SON: variants seen among roughly 807,000 people sequenced by gnomAD.
The protein encoded by SON is SON DNA and RNA binding protein.
SON carries 4 observed loss-of-function variants against 173.3 expected under a neutral mutation model. That is an observed-to-expected ratio of 0.02 (90% CI 0.01 to 0.05). The LOEUF (loss-of-function observed/expected upper bound fraction) is 0.05. Ranked by LOEUF, SON falls within the 10% of genes least tolerant of loss-of-function variation. SON has a pLI of 1.00. For missense variants in SON, 2,626 were observed against 3,055.3 expected (o/e 0.86, Z 3.31); for synonymous variants, 1,190 against 1,105.9 (o/e 1.08, Z -1.51).
chr21:33,574,663 G>A (rs530808155), intron 9 of SON, among the ~76,000 whole-genome samples: 4 of 152,100 alleles, frequency 2.6e-5, no homozygotes, highest in Non-Finnish European at 5.9e-5. Context: ...ATGCTTGACC[G>A]CTAAATACAA....
intron 6 of SON, 31 bp from the exon 7 acceptor site, chr21:33,567,126 T>C (rs1287699837): frequency 9.1e-6 from 12 of 1,316,456 alleles, no homozygotes; most frequent in Non-Finnish European, 1.3e-5. Context: ...CTATGGTAAT[T>C]TGAGATAATT....
chr21:33,557,013 C>CT (rs1010720830), intron 3 of SON, 143 bp from the exon 4 acceptor site: 27,345 of 490,664 alleles, frequency 0.056, 39 homozygotes, highest in East Asian at 0.064. Context: ...TAGTTTTTTC[C>CT]TTTTTTTTTT....
chr21:33,555,432 G>A (rs755389570), intron 3 of SON, 41 bp downstream of exon 3: 1 of 1,453,220 alleles, frequency 6.9e-7, no homozygotes, highest in Non-Finnish European at 9.1e-7. Context: ...AGTAGAAAAT[G>A]TTTTAAACCT....
intron 6 of SON, among the ~76,000 whole-genome samples, chr21:33,562,907 C>CA (rs1344080738): frequency 6.6e-6 from 1 of 152,018 alleles, no homozygotes; most frequent in Non-Finnish European, 1.5e-5. Context: ...GATTTAGTAT[C>CA]AATCAAATGT....
At chr21:33,564,283 C>T (rs2086122633) in intron 6 of SON, among the ~76,000 whole-genome samples, 2 of 152,130 alleles carry the variant, frequency 1.3e-5, no homozygotes, top group South Asian at 4.1e-4. Context: ...ACACTAGTTA[C>T]ATTTCAAGTG....
At chr21:33,547,705 CTTTTTTTTTTTTTTTT>C (rs928851742) in intron 2 of SON, among the ~76,000 whole-genome samples, 2 of 71,026 alleles carry the variant, frequency 2.8e-5, no homozygotes, top group African/African-American at 5.4e-5. Context: ...CTTCTGTAGT[CTTTTTTTTTTTTTTTT>C]TTTTTTTTTT....
chr21:33,544,000 T>C (rs1284156268), intron 1 of SON, among the ~76,000 whole-genome samples: 1 of 152,222 alleles, frequency 6.6e-6, no homozygotes, highest in East Asian at 1.9e-4. Context: ...AGGAAAATAG[T>C]GTGTCATGTT....
chr21:33,546,170 T>C (rs369046723), intron 1 of SON, 43 bp from the exon 2 acceptor site: 194 of 1,504,622 alleles, frequency 1.3e-4, no homozygotes, highest in Non-Finnish European at 1.5e-4. Flanking sequence ...TTATTAATGG[T>C]ATGATAAAAT....
At chr21:33,567,325 G>A (rs766968504) in intron 7 of SON, 58 bp downstream of exon 7, 15 of 949,768 alleles carry the variant, frequency 1.6e-5, no homozygotes, top group Non-Finnish European at 2.6e-5. Flanking sequence ...TCACACCAAT[G>A]TACCAGTTTT....
rs1238213431 is a variant in SON at position 33,577,404 on chromosome 21, C to T, written c.*980C>T. 2.6e-5 allele frequency: 4 copies of T among 152,516 alleles called. No homozygotes were observed. Among genetic ancestry groups the T allele is most frequent in the Non-Finnish European group, 5.9e-5 (4 of 68,018 alleles). 9.4% of individuals were successfully genotyped at this position (152,516 alleles called of 1,614,324 possible). ...CTGATAGAATATTTCATGTGTATTACAGTGGTATTCATATGCTATGTCTCT... is the reference window on the plus strand; with the variant it reads ...CTGATAGAATATTTCATGTGTATTATAGTGGTATTCATATGCTATGTCTCT... On this transcript the variant is annotated 3_prime_UTR_variant, in exon 12 of 12. Transcript: ENST00000356577.
intron 8 of SON, chr21:33,572,340 T>TC: frequency 3.6e-6 from 1 of 276,778 alleles, no homozygotes; most frequent in South Asian, 3.3e-5. Context: ...TATATGTACA[T>TC]GGATGCCCTT....
Position 33,552,882 on chromosome 21 carries a change from A to C in SON, c.3651A>C (p.Gln1217His). The change falls in exon 3 of 12, where the codon CAA (glutamine) becomes CAC (histidine). Residue 1217 changes from glutamine to histidine, a missense_variant. Coordinates refer to ENST00000356577, the MANE Select transcript of SON (RefSeq NM_138927.4). This position sits in a 1 kb window ranked among gnomAD's most constrained non-coding sequence, Gnocchi z 5.6. ...CGCAGCCTGAGCCTCCTGTGAGTCA[A>C]AGTGAGATTTCGGAGCCTTCAGCAG... ...SVSQPEPPVS[Q>H]SEISEPSAVP... 1 of 1,614,170 alleles carries C rather than the reference A, an allele frequency of 6.2e-7. No homozygotes were observed. The highest frequency in any genetic ancestry group is 1.3e-5 in the African/African-American group (1 of 75,042).
chr21:33,547,804 T>TC (rs1353439345), intron 2 of SON, among the ~76,000 whole-genome samples: 1 of 135,556 alleles, frequency 7.4e-6, no homozygotes, highest in African/African-American at 2.7e-5. Context: ...AAGCTCCGCC[T>TC]CCCGGGTTCA....
intron 7 of SON, among the ~76,000 whole-genome samples, chr21:33,568,352 C>T (rs1011863307): frequency 1.3e-5 from 2 of 152,112 alleles, no homozygotes; most frequent in African/African-American, 2.4e-5. Context: ...ATTAGCCGGG[C>T]GCGGTGGCGC....
intron 9 of SON, among the ~76,000 whole-genome samples, chr21:33,574,885 A>G (rs1371980248): frequency 6.6e-6 from 1 of 152,158 alleles, no homozygotes; most frequent in Non-Finnish European, 1.5e-5. Flanking sequence ...AGGAAGGGAG[A>G]GGAGAGTTTG....
At chr21:33,564,245 C>T (rs1436468159) in intron 6 of SON, among the ~76,000 whole-genome samples, 1 of 152,134 alleles carries the variant, frequency 6.6e-6, no homozygotes, top group Admixed American at 6.5e-5. Flanking sequence ...CAGCAGTTAC[C>T]AGCCCCTGAA....
In SON at chr21:33,554,497, T is replaced by G. The variant is rs772143523; in HGVS notation, c.5266T>G (p.Leu1756Val). 5 of 1,614,124 alleles carry G rather than the reference T, an allele frequency of 3.1e-6. No individual in the cohort carries two copies. Among genetic ancestry groups the G allele is most frequent in the South Asian group, 2.2e-5 (2 of 91,080 alleles). ...CCTTAGAGCTGGCATTGAAGGACCT[T>G]TACTTGCAAGTGATGTTGGACGTGA... Reference protein sequence around the residue: ...TSLRAGIEGPLLASDVGRDRS... With the variant: ...TSLRAGIEGPVLASDVGRDRS... Residue 1756 changes from leucine (L) to valine (V), a missense_variant, in exon 3 of 12, where the codon TTA becomes GTA. By Grantham distance (32) the Leu-to-Val change is conservative. This residue lies in a region of SON where 1,006 missense variants were observed against 895.6 expected (regional missense o/e 1.12). Transcript: ENST00000356577.
rs1264673191 is a variant in SON, at chr21:33,543,184, G to C, written c.77+15G>C. The C allele has an allele frequency of 1.2e-6, 2 of 1,608,084 alleles. No homozygotes were observed. Among genetic ancestry groups the C allele is most frequent in the South Asian group, 2.2e-5 (2 of 90,948 alleles). On this transcript the variant is annotated intron_variant, in intron 1 of 11. Transcript: ENST00000356577. ...GAGCTTTCCAGGTAAACGCCTCCCA[G>C]ATTCTTCTGCTCCCAACGGACCGTT...
In SON at chr21:33,551,896, G is replaced by A. The variant is rs921474160; in HGVS notation, c.2665G>A (p.Gly889Ser). The change falls in exon 3 of 12, where the codon GGT (glycine) becomes AGT (serine). Residue 889 changes from glycine (G) to serine (S), a missense_variant. Gly to Ser is a moderately conservative substitution (Grantham distance 56). Transcript: ENST00000356577. ...GTMDAQMLAS[G>S]TMDAQMLASS... The stretch of plus-strand genomic sequence containing the variant: ...CATGGATGCTCAGATGTTAGCGTCT[G>A]GTACCATGGATGCCCAGATGTTAGC... 1.9e-6 allele frequency: 3 copies of A among 1,613,686 alleles called. No individual in the cohort carries two copies. Among genetic ancestry groups the A allele is most frequent in the Non-Finnish European group, 1.7e-6 (2 of 1,179,946 alleles).
Sources: gnomAD v4.1 joint callset for allele counts (sites outside exome capture counted in the v4.1 genomes callset) on GRCh38, gnomAD v4.1.1 for gene constraint, gnomAD v4.1.1 regional missense constraint, Gnocchi (gnomAD v3.1) non-coding constraint, MANE v1.5 for transcripts, NCBI Gene and HGNC (gene_info 2026-07-23, HGNC 2026-07-21) for gene names.